Variants in KIF13A observed in about 807,000 individuals in gnomAD.
KIF13A encodes kinesin-like protein KIF13A.
A neutral mutation model predicts 212.2 loss-of-function variants in KIF13A; 79 were observed. That is an observed-to-expected ratio of 0.37 (90% confidence interval 0.31 to 0.45). The LOEUF (loss-of-function observed/expected upper bound fraction) is 0.45. Among genes scored for constraint, KIF13A ranks in the 20% least tolerant of loss-of-function variants. KIF13A has a pLI of 1.00. For synonymous variants in KIF13A, 789 were observed against 808.6 expected (o/e 0.98, Z 0.41); for missense variants, 1,901 against 2,209.0 (o/e 0.86, Z 2.79).
chr6:17,837,510 C>T lies in KIF13A; in HGVS notation c.904G>A (p.Val302Met). 6.2e-7 allele frequency: 1 copy of T among 1,608,964 alleles called. No individual in the cohort carries two copies. Among genetic ancestry groups the T allele is most frequent in the Non-Finnish European group, 8.5e-7 (1 of 1,177,524 alleles). Residue 302 changes from valine to methionine, a missense_variant, in exon 10 of 39, where the codon GTG becomes ATG. Val to Met is a conservative substitution (Grantham distance 21). Coordinates refer to ENST00000259711, the MANE Select transcript of KIF13A (RefSeq NM_022113.6). This position sits in a 1 kb window ranked among gnomAD's most constrained non-coding sequence, Gnocchi z 5.4. Reference protein sequence around the residue: ...QAAGKGKSKFVPYRDSVLTWL... With the variant: ...QAAGKGKSKFMPYRDSVLTWL... ...GTGAGGACTGAATCTCGATAAGGCA[C>T]AAATTTGCTTTTACCCTTGCCAGCT...
Position 17,789,084 on chromosome 6 carries a change from T to G in KIF13A, c.3261+788A>C, listed in dbSNP as rs759620865. On this transcript the variant is annotated intron_variant, in intron 26 of 38. Coordinates refer to ENST00000259711, the MANE Select transcript of KIF13A (RefSeq NM_022113.6). This position sits in a 1 kb window ranked among gnomAD's most constrained non-coding sequence, Gnocchi z 4.8. ...GGAAAACATCCTTTGAAGATGTGTA[T>G]GGAGAATCCGTACAAAGACTGGGAA... 2.0e-5 allele frequency among the ~76,000 whole-genome samples: 3 copies of G among 152,188 alleles called. No individual in the cohort carries two copies. Among genetic ancestry groups the G allele is most frequent in the African/African-American group, 4.8e-5 (2 of 41,458 alleles).
chr6:17,986,950 C>T, intron 2 of KIF13A, 104 bp downstream of exon 2: 1 of 774,202 alleles, frequency 1.3e-6, no homozygotes, highest in East Asian at 2.8e-5. Flanking sequence ...AACTTGAAGC[C>T]GTCCTCCTAA....
intron 6 of KIF13A, among the ~76,000 whole-genome samples, chr6:17,853,755 T>C (rs376669659): frequency 1.3e-5 from 2 of 152,208 alleles, no homozygotes. Context: ...AGTTAAAAAT[T>C]ATGCAAAATT....
chr6:17,961,343 T>C lies in KIF13A; in HGVS notation c.146+25711A>G, dbSNP rs937770231. 2.6e-5 allele frequency among the ~76,000 whole-genome samples: 4 copies of C among 152,070 alleles called. No homozygotes were observed. The highest frequency in any genetic ancestry group is 9.7e-5 in the African/African-American group (4 of 41,374). On this transcript the variant is annotated intron_variant, in intron 2 of 38. Coordinates refer to ENST00000259711, the MANE Select transcript of KIF13A (RefSeq NM_022113.6). The surrounding 1 kb of genome is among the most constrained non-coding windows in gnomAD (Gnocchi z 4.1). ...GAAGGTAGCAACTGATGTGGGATAA[T>C]AAATAAGTTATTAAGATAGGCAATA...
chr6:17,759,994 T>C (rs987246183), downstream of KIF13A: 11 of 152,070 alleles, frequency 7.2e-5, no homozygotes, highest in African/African-American at 1.9e-4. Context: ...ACCCCAGTCA[T>C]TGTCAACAGT....
intron 16 of KIF13A, chr6:17,821,665 T>G: frequency 8.8e-7 from 1 of 1,134,198 alleles, no homozygotes; most frequent in East Asian, 2.7e-5. Flanking sequence ...GCCAGAAAAC[T>G]CCAGCTTCTT....
Position 17,837,678 on chromosome 6 carries a change from T to C in KIF13A, c.831-95A>G, listed in dbSNP as rs1489639249. The stretch of plus-strand genomic sequence containing the variant: ...AATAAAGCTCCACAGTTAATACACG[T>C]TGGTGGCTCACGCCCGTAATCCCAG... On this transcript the variant is annotated intron_variant, in intron 9 of 38. Coordinates refer to ENST00000259711, the MANE Select transcript of KIF13A (RefSeq NM_022113.6). The surrounding 1 kb of genome is among the most constrained non-coding windows in gnomAD (Gnocchi z 5.4). 3 of 864,132 alleles carry C rather than the reference T, an allele frequency of 3.5e-6. No homozygotes were observed. Among genetic ancestry groups the C allele is most frequent in the East Asian group, 2.7e-5 (1 of 37,308 alleles). 53.5% of individuals were successfully genotyped at this position (864,132 alleles called of 1,614,324 possible). A position where few individuals can be genotyped will look rare whatever the true frequency, so the allele number is the denominator to read the frequency against.
Position 17,947,855 on chromosome 6 carries a change from A to G in KIF13A, c.146+39199T>C, listed in dbSNP as rs1777542305. Reference sequence around the variant, plus strand: ...AAACTCTGCTCAAAAAAAAAAAGAAAGCACACCAAGTATTAAGGGCTAAAG... The same window carrying G: ...AAACTCTGCTCAAAAAAAAAAAGAAGGCACACCAAGTATTAAGGGCTAAAG... On this transcript the variant is annotated intron_variant, in intron 2 of 38. Coordinates refer to ENST00000259711, the MANE Select transcript of KIF13A (RefSeq NM_022113.6). This position sits in a 1 kb window ranked among gnomAD's most constrained non-coding sequence, Gnocchi z 4.6. 1.3e-5 allele frequency among the ~76,000 whole-genome samples: 2 copies of G among 152,198 alleles called. No individual in the cohort carries two copies. The highest frequency in any genetic ancestry group is 4.8e-5 in the African/African-American group (2 of 41,466).
At chr6:17,957,614 A>G (rs372469898) in intron 2 of KIF13A, among the ~76,000 whole-genome samples, 81 of 152,302 alleles carry the variant, frequency 5.3e-4, no homozygotes, top group African/African-American at 1.8e-3. Context: ...ACAGGGGGGC[A>G]GTCTTGTGGG....
At chr6:17,980,109 A>G (rs138159294) in intron 2 of KIF13A, among the ~76,000 whole-genome samples, 80 of 152,302 alleles carry the variant, frequency 5.3e-4, no homozygotes, top group African/African-American at 1.8e-3. Flanking sequence ...TTTAACAAAA[A>G]TAGGGAAAAA....
rs1759283181 is a variant in KIF13A, at chr6:17,769,207, C to T, written c.4581+1907G>A. On this transcript the variant is annotated intron_variant, in intron 38 of 38. Transcript: ENST00000259711. This position sits in a 1 kb window ranked among gnomAD's most constrained non-coding sequence, Gnocchi z 5.8. Reference sequence around the variant, plus strand: ...GAGAAAAAACAAAATTAAAGTTTCCCAAAGAGAAACAAGAACCTCAGGTCA... The same window carrying T: ...GAGAAAAAACAAAATTAAAGTTTCCTAAAGAGAAACAAGAACCTCAGGTCA... Among the ~76,000 whole-genome samples, 1 of 152,122 alleles carries T rather than the reference C, an allele frequency of 6.6e-6. No individual in the cohort carries two copies. The highest frequency in any genetic ancestry group is 1.5e-5 in the Non-Finnish European group (1 of 68,016).
rs1256460127 is a variant in KIF13A, at chr6:17,968,210, G to A, written c.146+18844C>T. On this transcript the variant is annotated intron_variant, in intron 2 of 38. Transcript: ENST00000259711. This position sits in a 1 kb window ranked among gnomAD's most constrained non-coding sequence, Gnocchi z 4.7. The stretch of plus-strand genomic sequence containing the variant: ...GAACGAGAAGAACCCAGAGATCCCC[G>A]CTTACTCACCAGGAGAAAGAAGAGT... 1.3e-5 allele frequency among the ~76,000 whole-genome samples: 2 copies of A among 152,176 alleles called. No individual in the cohort carries two copies. The highest frequency in any genetic ancestry group is 3.8e-4 in the East Asian group (2 of 5,198).
At chr6:17,939,760 T>G (rs1270479832) in intron 2 of KIF13A, among the ~76,000 whole-genome samples, 1 of 152,182 alleles carries the variant, frequency 6.6e-6, no homozygotes, top group Non-Finnish European at 1.5e-5. Flanking sequence ...GGTTAAAAGA[T>G]AGTCTCACCT....
chr6:17,966,709 T>A (rs1043883639), intron 2 of KIF13A, among the ~76,000 whole-genome samples: 1 of 152,156 alleles, frequency 6.6e-6, no homozygotes, highest in African/African-American at 2.4e-5. Context: ...CAAAAATTGT[T>A]TTTATTGTTA....
chr6:17,977,089 G>T (rs1349338566), intron 2 of KIF13A, among the ~76,000 whole-genome samples: 2 of 142,484 alleles, frequency 1.4e-5, no homozygotes, highest in Non-Finnish European at 3.0e-5. Context: ...GAAACAGAGC[G>T]AGACTCCGTC....
chr6:17,836,076 T>A (rs1335623540), intron 11 of KIF13A, among the ~76,000 whole-genome samples: 1 of 152,082 alleles, frequency 6.6e-6, no homozygotes, highest in Non-Finnish European at 1.5e-5. Flanking sequence ...ACCCAATAAT[T>A]TGCAAAAAGC....
At chr6:17,867,783 A>G (rs1403668447) in intron 4 of KIF13A, among the ~76,000 whole-genome samples, 1 of 152,242 alleles carries the variant, frequency 6.6e-6, no homozygotes, top group East Asian at 1.9e-4. Context: ...TATTTTGGCT[A>G]CTGTTGGCTT....
intron 22 of KIF13A, among the ~76,000 whole-genome samples, chr6:17,798,011 T>G (rs1762190219): frequency 1.3e-5 from 2 of 152,242 alleles, no homozygotes; most frequent in African/African-American, 4.8e-5. Flanking sequence ...AAGCTAATTT[T>G]CTTTCCATTA....
chr6:17,922,848 T>A (rs1320129296), intron 2 of KIF13A, among the ~76,000 whole-genome samples: 1 of 151,896 alleles, frequency 6.6e-6, no homozygotes, highest in Non-Finnish European at 1.5e-5. Context: ...GGTCTCAAAC[T>A]CCTGGGCTCA....
Sources: allele counts gnomAD v4.1 joint callset (sites outside exome capture counted in the v4.1 genomes callset), GRCh38; gene constraint gnomAD v4.1.1; non-coding constraint Gnocchi (gnomAD v3.1); transcripts MANE v1.5; gene names NCBI Gene and HGNC (gene_info 2026-07-23, HGNC 2026-07-21).